The following MACROD2 variants were observed in gnomAD, a reference collection of about 807,000 sequenced individuals.
MACROD2 encodes ADP-ribose glycohydrolase MACROD2.
MACROD2 carries 36 observed loss-of-function variants against 70.4 expected under a neutral mutation model. The observed-to-expected ratio is 0.51, with a 90% confidence interval of 0.39 to 0.68. The LOEUF (loss-of-function observed/expected upper bound fraction) is 0.68, where lower values mean the gene tolerates loss of function less well. MACROD2 is among the 30% of genes least tolerant of loss of function. The probability of loss-of-function intolerance (pLI) is 0.00; values close to 1 mark genes in which losing one functional copy is unlikely to be tolerated. For synonymous variants in MACROD2, 172 were observed against 178.8 expected, an observed-to-expected ratio of 0.96 and a Z score of 0.30; for missense variants, 496 against 538.4, an observed-to-expected ratio of 0.92 and a Z score of 0.78.
chr20:14,073,204 C>T lies in MACROD2; in HGVS notation c.164-12417C>T, dbSNP rs540789874. Among the ~76,000 whole-genome samples, 300 of 151,804 alleles carry T rather than the reference C, an allele frequency of 2.0e-3. 1 individual carries two copies. The highest frequency in any genetic ancestry group is 3.5e-3 in the Admixed American group (53 of 15,252). ...TACAAAAATTAGCCAGGCATGGTGG[C>T]GCATGCCTGTAATCCCAGCTACTTG... On this transcript the variant is annotated intron_variant, in intron 2 of 17. Coordinates refer to ENST00000684519, the MANE Select transcript of MACROD2 (RefSeq NM_001351661.2).
intron 3 of MACROD2, among the ~76,000 whole-genome samples, chr20:14,471,795 G>A (rs2084534012): frequency 1.3e-5 from 2 of 151,966 alleles, no homozygotes; most frequent in South Asian, 2.1e-4. Context: ...TTATTGAGGG[G>A]TAAAACATGA....
intron 15 of MACROD2, among the ~76,000 whole-genome samples, chr20:16,038,691 G>A (rs780484092): frequency 7.9e-5 from 12 of 151,892 alleles, no homozygotes; most frequent in Non-Finnish European, 1.8e-4. Context: ...GATCTCTGAT[G>A]TCTATCCATA....
At chr20:14,085,215 A>AAT (rs920892163) in intron 2 of MACROD2, among the ~76,000 whole-genome samples, 21 of 151,152 alleles carry the variant, frequency 1.4e-4, no homozygotes, top group Non-Finnish European at 2.7e-4. Context: ...TTTTTGCTCA[A>AAT]ATATATATAT....
intron 5 of MACROD2, among the ~76,000 whole-genome samples, chr20:14,864,431 A>G (rs550792918): frequency 6.6e-6 from 1 of 152,220 alleles, no homozygotes; most frequent in South Asian, 2.1e-4. Context: ...AAATTTTTTT[A>G]TACTGTAAAA....
rs554750957 is a variant in MACROD2 at position 14,107,749 on chromosome 20, G to T, written c.271+22021G>T. On this transcript the variant is annotated intron_variant, in intron 3 of 17. Transcript: ENST00000684519. ...TGGTATGACATATTTCAAATCTGAT[G>T]GAAAAAACCCCTTTGCCCTAGAATA... Among the ~76,000 whole-genome samples the T allele has an allele frequency of 5.3e-5, 8 of 151,966 alleles. No homozygotes were observed. The East Asian group carries it at 1.5e-3, about 29-fold the overall frequency.
intron 8 of MACROD2, among the ~76,000 whole-genome samples, chr20:15,559,288 G>A (rs1445025650): frequency 6.7e-6 from 1 of 150,350 alleles, no homozygotes; most frequent in Non-Finnish European, 1.5e-5. Context: ...GTGGATGAAG[G>A]TAAGAGCCTA....
At chr20:15,098,419 C>T (rs1276435186) in intron 5 of MACROD2, among the ~76,000 whole-genome samples, 1 of 152,112 alleles carries the variant, frequency 6.6e-6, no homozygotes, top group African/African-American at 2.4e-5. Context: ...ACTCTGCCTA[C>T]ATTTTCATTC....
chr20:15,519,055 T>TTCCTTCC (rs2047608581), intron 8 of MACROD2, among the ~76,000 whole-genome samples: 7 of 116,340 alleles, frequency 6.0e-5, no homozygotes, highest in Non-Finnish European at 1.1e-4. Flanking sequence ...TAACTCGCTC[T>TTCCTTCC]TTCCTTCCTT....
At chr20:14,576,746 T>C (rs1488547644) in intron 4 of MACROD2, among the ~76,000 whole-genome samples, 5 of 152,170 alleles carry the variant, frequency 3.3e-5, no homozygotes, top group Non-Finnish European at 4.4e-5. Context: ...AAACTTCTGG[T>C]ATATTATAAA....
At chr20:15,741,290 G>A (rs1024377591) in intron 8 of MACROD2, among the ~76,000 whole-genome samples, 28 of 149,676 alleles carry the variant, frequency 1.9e-4, no homozygotes, top group Non-Finnish European at 3.1e-4. Context: ...TAGTAGAAAC[G>A]GGGTTTCACC....
At chr20:15,120,964 G>A (rs181057581) in intron 5 of MACROD2, among the ~76,000 whole-genome samples, 8 of 152,204 alleles carry the variant, frequency 5.3e-5, no homozygotes, top group East Asian at 1.9e-4. Flanking sequence ...AAGCGCTGTC[G>A]GAAAGCCAGG....
At chr20:14,963,240 T>G (rs1272536098) in intron 5 of MACROD2, among the ~76,000 whole-genome samples, 1 of 152,078 alleles carries the variant, frequency 6.6e-6, no homozygotes, top group Non-Finnish European at 1.5e-5. Flanking sequence ...AGGGTGGGTG[T>G]CAGCTTAGAA....
chr20:14,111,598 A>G (rs1233622172), intron 3 of MACROD2, among the ~76,000 whole-genome samples: 1 of 152,068 alleles, frequency 6.6e-6, no homozygotes, highest in Non-Finnish European at 1.5e-5. Flanking sequence ...TCAAACAGGC[A>G]TATGAAAAGG....
intron 5 of MACROD2, among the ~76,000 whole-genome samples, chr20:14,751,674 C>T (rs529963312): frequency 1.7e-4 from 26 of 152,226 alleles, no homozygotes; most frequent in African/African-American, 6.3e-4. Context: ...GCTAGACAGG[C>T]GTGTCCTTCT....
chr20:15,478,101 C>A (rs2047046677), intron 7 of MACROD2, among the ~76,000 whole-genome samples: 1 of 152,172 alleles, frequency 6.6e-6, no homozygotes, highest in Admixed American at 6.5e-5. Context: ...GCCTGCAGAA[C>A]TGTAAGGTAA....
At chr20:15,269,105 T>C (rs1191568545) in intron 6 of MACROD2, among the ~76,000 whole-genome samples, 1 of 152,266 alleles carries the variant, frequency 6.6e-6, no homozygotes, top group Non-Finnish European at 1.5e-5. Context: ...GCTTATTATA[T>C]ATTGTTAAAT....
In MACROD2 at chr20:15,149,460, G is replaced by T. The variant is rs535204821; in HGVS notation, c.419-80480G>T. On this transcript the variant is annotated intron_variant, in intron 5 of 17. Transcript: ENST00000684519. ...GGATCAGAGAGATGCAGTCATAGGG[G>T]TCAGGTGTGGTATCTGGAATAATGT... Among the ~76,000 whole-genome samples, 167 of 143,410 alleles carry T rather than the reference G, an allele frequency of 1.2e-3. 2 individuals are homozygous for T. Among genetic ancestry groups the T allele is most frequent in the African/African-American group, 3.7e-3 (143 of 38,196 alleles). The allele number at this position is 143,410 out of a possible 152,430, so 94.1% of individuals were successfully genotyped here.
chr20:14,555,222 A>T (rs1340705645), intron 4 of MACROD2, among the ~76,000 whole-genome samples: 1 of 152,120 alleles, frequency 6.6e-6, no homozygotes, highest in Non-Finnish European at 1.5e-5. Context: ...AAAACATCTC[A>T]TGTACTCCAC....
intron 6 of MACROD2, among the ~76,000 whole-genome samples, chr20:15,239,284 C>A (rs867428175): frequency 1.5e-5 from 2 of 135,888 alleles, no homozygotes; most frequent in Non-Finnish European, 1.6e-5. Context: ...CAAGTAAAAA[C>A]AATAAAAAAT....
Sources: gnomAD v4.1 joint callset for allele counts (sites outside exome capture counted in the v4.1 genomes callset) on GRCh38, gnomAD v4.1.1 for gene constraint, MANE v1.5 for transcripts, NCBI Gene and HGNC (gene_info 2026-07-23, HGNC 2026-07-21) for gene names.